The following CELF2 variants were observed in gnomAD, a reference collection of about 807,000 sequenced individuals.
CELF2 encodes CUGBP Elav-like family member 2.
Under a neutral mutation model 62.6 loss-of-function variants are expected in CELF2, and 8 were observed. The observed-to-expected ratio is 0.13, with a 90% CI of 0.07 to 0.23. The LOEUF (loss-of-function observed/expected upper bound fraction) is 0.23, where lower values mean the gene tolerates loss of function less well. Ranked by LOEUF, CELF2 falls within the 10% of genes least tolerant of loss-of-function variation. CELF2 has a pLI of 1.00. For synonymous variants in CELF2, 258 were observed against 250.0 expected, an observed-to-expected ratio of 1.03 and a Z score of -0.30; for missense variants, 333 against 671.0, an observed-to-expected ratio of 0.50 and a Z score of 5.56.
At position 11,285,859 on chromosome 10, in the gene CELF2, GTGTGTGTGTGTGTGTGTGTT is replaced by G. The variant is rs1384178499; in HGVS notation, c.842-2557_842-2538del. Among the ~76,000 whole-genome samples, 191 of 140,610 alleles carry G rather than the reference GTGTGTGTGTGTGTGTGTGTT, an allele frequency of 1.4e-3. 2 individuals are homozygous for G. The highest frequency in any genetic ancestry group is 5.3e-3 in the African/African-American group (178 of 33,408). 92.2% of individuals were successfully genotyped at this position (140,610 alleles called of 152,430 possible). On this transcript the variant is annotated intron_variant, in intron 8 of 12. Coordinates refer to ENST00000633077, the MANE Select transcript of CELF2 (RefSeq NM_001326342.2). The surrounding 1 kb of genome is among the most constrained non-coding windows in gnomAD (Gnocchi z 4.3). ...TGTGTGTGTGTGTGTGTGTGTGTGTGTGTGTGTGTGTGTGTGTGTTTTTACATGGACTTGAAAATGAGTAA... is the reference window on the plus strand; with the variant it reads ...TGTGTGTGTGTGTGTGTGTGTGTGTGTTTACATGGACTTGAAAATGAGTAA...
In CELF2 at chr10:10,972,388, T is replaced by A. The variant is rs1928720; in HGVS notation, c.89+52389T>A. Among the ~76,000 whole-genome samples the A allele has an allele frequency of 0.13, 19,506 of 152,252 alleles. 1,319 individuals carry two copies. Among genetic ancestry groups the A allele is most frequent in the Middle Eastern group, 0.25 (74 of 294 alleles). ...CTGGAAAACTCATCTTATTTAAAAC[T>A]AGGAATATCCTCTGGGTATTCCCTC... On this transcript the variant is annotated intron_variant, in intron 2 of 13. Transcript: ENST00000636488. This position sits in a 1 kb window ranked among gnomAD's most constrained non-coding sequence, Gnocchi z 4.4.
chr10:10,713,782 C>T, the CELF2 span, among the ~76,000 whole-genome samples: 3 of 152,142 alleles, frequency 2.0e-5, no homozygotes, highest in Non-Finnish European at 4.4e-5. Flanking sequence ...TGCCTGTATT[C>T]CCAGCACTTT....
At chr10:10,951,726 A>G (rs965863575) in intron 2 of CELF2, 2 of 152,258 alleles carry the variant, frequency 1.3e-5, no homozygotes, top group Admixed American at 1.3e-4. Context: ...CATTTAAATC[A>G]AACTCTACTT....
chr10:10,637,132 T>C, the CELF2 span, among the ~76,000 whole-genome samples: 5 of 152,196 alleles, frequency 3.3e-5, no homozygotes, highest in Non-Finnish European at 5.9e-5. Flanking sequence ...CAGCTAGACT[T>C]GTTTTCCATT....
upstream of CELF2, chr10:11,005,052 G>A (rs1336678564): frequency 1.3e-5 from 13 of 985,190 alleles, no homozygotes; most frequent in Non-Finnish European, 1.6e-5. The surrounding 1 kb of genome is among the most constrained non-coding windows in gnomAD (Gnocchi z 4.3). Flanking sequence ...TTTAAAGATG[G>A]TAATTAGGAG....
At chr10:10,546,484 A>T in the CELF2 span, among the ~76,000 whole-genome samples, 1 of 152,156 alleles carries the variant, frequency 6.6e-6, no homozygotes, top group Admixed American at 6.5e-5. Context: ...GGTAGATGAA[A>T]CTTGTGTCTT....
chr10:10,509,980 G>C, the CELF2 span, among the ~76,000 whole-genome samples: 1 of 152,162 alleles, frequency 6.6e-6, no homozygotes, highest in Non-Finnish European at 1.5e-5. Flanking sequence ...CTACAACCAA[G>C]GCCCAGCACC....
Position 10,852,615 on chromosome 10 carries a change from G to A in CELF2, c.53+53798G>A, listed in dbSNP as rs113311336. On this transcript the variant is annotated intron_variant, in intron 1 of 13. Transcript: ENST00000636488. ...ACACCACTGAAAGCATACAAAACTG[G>A]GGAAATCTGAATACGATCCATGGAT... is the stretch of plus-strand genomic sequence containing the variant. Among the ~76,000 whole-genome samples the A allele has an allele frequency of 8.7e-4, 133 of 152,236 alleles. 1 individual carries two copies. Among genetic ancestry groups the A allele is most frequent in the African/African-American group, 2.8e-3 (118 of 41,540 alleles).
At chr10:10,745,236 A>G in the CELF2 span, among the ~76,000 whole-genome samples, 7 of 152,298 alleles carry the variant, frequency 4.6e-5, no homozygotes, top group East Asian at 1.3e-3. Context: ...TCACTCGGCA[A>G]GCAAGCAGAA....
chr10:10,468,760 G>A, the CELF2 span, among the ~76,000 whole-genome samples: 4 of 151,930 alleles, frequency 2.6e-5, no homozygotes, highest in East Asian at 7.7e-4. Context: ...CTTTAAACAA[G>A]TTATCCATTT....
At chr10:10,771,763 T>A in the CELF2 span, among the ~76,000 whole-genome samples, 1 of 152,192 alleles carries the variant, frequency 6.6e-6, no homozygotes, top group Admixed American at 6.5e-5. Context: ...GTGGAAACTA[T>A]AAGTCCAATT....
At chr10:10,616,120 T>G in the CELF2 span, among the ~76,000 whole-genome samples, 15 of 152,124 alleles carry the variant, frequency 9.9e-5, no homozygotes, top group African/African-American at 3.6e-4. Context: ...GGCTGGTTGA[T>G]GTGTGACCAG....
rs1162145519 is a variant in CELF2, at chr10:10,928,016, C to T, written c.89+8017C>T. ...CTGCAGCCTCATCACCTGCTACTTT[C>T]TTTCTCATTTATTTTGCTTCTGACA... On this transcript the variant is annotated intron_variant, in intron 2 of 13. Coordinates refer to the CELF2 transcript ENST00000636488. The surrounding 1 kb of genome is among the most constrained non-coding windows in gnomAD (Gnocchi z 4.8). Among the ~76,000 whole-genome samples the T allele has an allele frequency of 6.6e-6, 1 of 152,178 alleles. No homozygotes were observed. The highest frequency in any genetic ancestry group is 1.9e-4 in the East Asian group (1 of 5,190).
At chr10:10,871,111 G>C (rs965308) in intron 1 of CELF2, among the ~76,000 whole-genome samples, 78,776 of 152,020 alleles carry the variant, frequency 0.52, 21,438 homozygotes, top group East Asian at 0.75. Flanking sequence ...GCTATGTAGA[G>C]CCGGTTCGCA....
At chr10:10,612,102 G>A in the CELF2 span, among the ~76,000 whole-genome samples, 1 of 152,112 alleles carries the variant, frequency 6.6e-6, no homozygotes, top group Non-Finnish European at 1.5e-5. Context: ...TGAAGTATTT[G>A]GTAGACCTAC....
chr10:10,823,302 TTGTC>T (rs1397824193), intron 1 of CELF2, among the ~76,000 whole-genome samples: 1 of 152,186 alleles, frequency 6.6e-6, no homozygotes, highest in East Asian at 1.9e-4. Context: ...TATCTGAACA[TTGTC>T]TCACAGCATC....
chr10:10,998,979 C>A (rs2054248545), intron 2 of CELF2, among the ~76,000 whole-genome samples: 1 of 152,196 alleles, frequency 6.6e-6, no homozygotes, highest in Non-Finnish European at 1.5e-5. Flanking sequence ...ACAGTTTTAT[C>A]ATTTTATTTT....
intron 1 of CELF2, among the ~76,000 whole-genome samples, chr10:11,078,810 G>C (rs1429272546): frequency 6.6e-6 from 1 of 152,188 alleles, no homozygotes; most frequent in African/African-American, 2.4e-5. Context: ...ACCTTTGGCT[G>C]TCCAGTGGTT....
intron 1 of CELF2, among the ~76,000 whole-genome samples, chr10:11,071,259 T>G (rs2069878732): frequency 6.6e-6 from 1 of 152,244 alleles, no homozygotes; most frequent in Non-Finnish European, 1.5e-5. Context: ...GCGCTGGTTC[T>G]TGGGAGCAAG....
Sources: gnomAD v4.1 joint callset for allele counts (sites outside exome capture counted in the v4.1 genomes callset) on GRCh38, gnomAD v4.1.1 for gene constraint, Gnocchi (gnomAD v3.1) non-coding constraint, MANE v1.5 for transcripts, NCBI Gene and HGNC (gene_info 2026-07-23, HGNC 2026-07-21) for gene names.